The following MATR3 variants were observed in gnomAD, a reference collection of about 807,000 sequenced individuals.
The protein encoded by MATR3 is matrin 3, also known as matrin-3.
A neutral mutation model predicts 85.5 loss-of-function variants in MATR3; 4 were observed. The ratio of observed to expected loss-of-function variants is 0.05; its 90% CI spans 0.02 to 0.11. The LOEUF is 0.11. MATR3 is among the 10% of genes least tolerant of loss of function. The pLI is 1.00. For missense variants in MATR3, 685 were observed against 1,016.1 expected, an observed-to-expected ratio of 0.67 and a Z score of 4.43; for synonymous variants, 336 against 343.1, an observed-to-expected ratio of 0.98 and a Z score of 0.23.
intron 1 of MATR3, among the ~76,000 whole-genome samples, chr5:139,302,980 C>G (rs561150644): frequency 6.7e-6 from 1 of 149,312 alleles, no homozygotes; most frequent in South Asian, 2.1e-4. Flanking sequence ...CCCTGAGTAT[C>G]TCTAGTTTTA....
Position 139,319,349 on chromosome 5 carries a change from C to G in MATR3, c.1450C>G (p.Pro484Ala). 6.2e-7 allele frequency: 1 copy of G among 1,614,032 alleles called. No homozygotes were observed. ...TTTATTAAAGAAACCTGAAGGAAAG[C>G]CAGATCAGAAGTTTGATCAAAAGCA... ...YKRIKKPEGK[P>A]DQKFDQKQEL... Residue 484 changes from proline (P) to alanine (A), a missense_variant, in exon 9 of 15, where the codon CCA (proline) becomes GCA (alanine). Coordinates refer to ENST00000394805, the MANE Select transcript of MATR3 (RefSeq NM_018834.6).
At chr5:139,293,264 A>G (rs1753943963), upstream of MATR3, 1 of 152,132 alleles carries the variant, frequency 6.6e-6, no homozygotes. Flanking sequence ...TGATAAATAA[A>G]TAAACATACC....
At chr5:139,321,659 C>T (rs758183947) in intron 9 of MATR3, 1 of 529,974 alleles carries the variant, frequency 1.9e-6, no homozygotes, top group Non-Finnish European at 3.4e-6. Context: ...TGGTGCATGC[C>T]TGTAGACCTA....
rs1289052784 is a variant in MATR3 at position 139,330,541 on chromosome 5, A to T, written c.*1146A>T. 6.6e-6 allele frequency: 3 copies of T among 454,000 alleles called. No individual in the cohort carries two copies. Among genetic ancestry groups the T allele is most frequent in the African/African-American group, 6.0e-5 (3 of 50,010 alleles). The allele number at this position is 454,000 out of a possible 1,614,324, so 28.1% of individuals were successfully genotyped here. Reference sequence around the variant, plus strand: ...AGAGTGAATTCTAAAGACTGCCGCTAAAGATCTGAGTTTTAAAAATGTTGT... The same window carrying T: ...AGAGTGAATTCTAAAGACTGCCGCTTAAGATCTGAGTTTTAAAAATGTTGT... On this transcript the variant is annotated 3_prime_UTR_variant, in exon 15 of 15. Coordinates refer to ENST00000394805, the MANE Select transcript of MATR3 (RefSeq NM_018834.6).
chr5:139,296,117 G>A, intron 1 of MATR3, among the ~76,000 whole-genome samples: 1 of 152,264 alleles, frequency 6.6e-6, no homozygotes, highest in African/African-American at 2.4e-5. Context: ...AAGACTGTGC[G>A]TACAGGAATT....
chr5:139,319,574 C>T (rs1425358085), intron 9 of MATR3, 73 bp downstream of exon 9: 5 of 1,365,366 alleles, frequency 3.7e-6, no homozygotes, highest in Admixed American at 1.9e-5. Context: ...TGGAGCTGGG[C>T]GTCATTCCTC....
At position 139,307,766 on chromosome 5, in the gene MATR3, G is replaced by A. The variant is rs746740087; in HGVS notation, c.351G>A (p.Leu117=). The change falls in exon 2 of 15, where the codon CTG becomes CTA. Residue 117 remains leucine, a synonymous_variant. Transcript: ENST00000394805. The surrounding 1 kb of genome is among the most constrained non-coding windows in gnomAD (Gnocchi z 4.4). The part of the protein sequence containing the change: ...QASNILASFG[L]SARDLDELSR... Reference sequence around the variant, plus strand: ...GTAACATTTTGGCCAGCTTTGGTCTGTCTGCTAGAGACTTAGATGAACTGA... The same window carrying A: ...GTAACATTTTGGCCAGCTTTGGTCTATCTGCTAGAGACTTAGATGAACTGA... 2 of 1,614,130 alleles carry A rather than the reference G, an allele frequency of 1.2e-6. No homozygotes were observed. The highest frequency in any genetic ancestry group is 1.7e-5 in the Admixed American group (1 of 60,020).
intron 12 of MATR3, chr5:139,325,199 A>C: frequency 6.8e-7 from 1 of 1,480,286 alleles, no homozygotes; most frequent in East Asian, 2.5e-5. Context: ...TCTCAAAAAA[A>C]AAAAGGCAAA....
At chr5:139,314,931 TA>T (rs1282708652) in intron 3 of MATR3, 195 bp downstream of exon 3, 1 of 536,402 alleles carries the variant, frequency 1.9e-6, no homozygotes, top group Non-Finnish European at 3.4e-6. Flanking sequence ...GCAGTAATAA[TA>T]TTTTGTTATT....
At chr5:139,305,924 T>C (rs568167544) in intron 1 of MATR3, among the ~76,000 whole-genome samples, 26 of 152,332 alleles carry the variant, frequency 1.7e-4, no homozygotes, top group Non-Finnish European at 2.9e-4. Context: ...CTTGCTTTAA[T>C]CTATCATTGG....
At chr5:139,283,564 CCTT>C (rs1348778861) in intron 3 of MATR3, 7 of 152,284 alleles carry the variant, frequency 4.6e-5, no homozygotes, top group African/African-American at 1.7e-4. Flanking sequence ...CACTTGACCT[CCTT>C]CTGATTTGTG....
intron 1 of MATR3, among the ~76,000 whole-genome samples, chr5:139,298,279 T>C (rs1754263667): frequency 6.6e-6 from 1 of 152,070 alleles, no homozygotes; most frequent in Non-Finnish European, 1.5e-5. Flanking sequence ...GTCAAAGAAA[T>C]ACAAACATTT....
At chr5:139,274,888 G>T (rs1029151045) in intron 1 of MATR3, among the ~76,000 whole-genome samples, 2 of 151,886 alleles carry the variant, frequency 1.3e-5, no homozygotes, top group Admixed American at 6.6e-5. Flanking sequence ...TAGCACCACT[G>T]CATTCCAACC....
rs187998450 is a variant in MATR3, at chr5:139,294,910, C to G, written c.-178+1105C>G. 1.4e-3 allele frequency: 209 copies of G among 152,228 alleles called. 1 individual carries two copies. The highest frequency in any genetic ancestry group is 4.5e-3 in the African/African-American group (187 of 41,532). 9.4% of individuals were successfully genotyped at this position (152,228 alleles called of 1,614,324 possible). On this transcript the variant is annotated intron_variant, in intron 1 of 14. Transcript: ENST00000394805. The stretch of plus-strand genomic sequence containing the variant: ...ATTGGATCAGTTACAGTTTTTTAGC[C>G]AGATATTTCTAGAACGGTTATGGTG...
chr5:139,300,133 G>C (rs1171791121), intron 1 of MATR3, among the ~76,000 whole-genome samples: 4 of 152,196 alleles, frequency 2.6e-5, no homozygotes, highest in Non-Finnish European at 4.4e-5. Flanking sequence ...GGGAGGCCAA[G>C]GTGGGTGAAT....
At chr5:139,311,750 C>CTTTTTTTTTTTTTTT (rs552172719) in intron 2 of MATR3, 14 of 65,236 alleles carry the variant, frequency 2.1e-4, no homozygotes, top group African/African-American at 3.3e-4. Context: ...TTAATTAATC[C>CTTTTTTTTTTTTTTT]TTTTTTTTTT....
At chr5:139,320,339 A>G (rs1755493494) in intron 9 of MATR3, among the ~76,000 whole-genome samples, 1 of 152,078 alleles carries the variant, frequency 6.6e-6, no homozygotes, top group South Asian at 2.1e-4. Flanking sequence ...GGCTGGATGC[A>G]TTGGCTCATG....
chr5:139,275,187 C>G (rs992627519), intron 1 of MATR3, among the ~76,000 whole-genome samples: 1 of 105,064 alleles, frequency 9.5e-6, no homozygotes, highest in Non-Finnish European at 1.8e-5. Flanking sequence ...TTAGTAGAGA[C>G]GGGGTTTCAC....
rs760526286 is a variant in MATR3, at chr5:139,307,455, T to G, written c.40T>G (p.Ser14Ala). The part of the protein sequence containing the change: ...SFQQSSLSRD[S>A]QGHGRDLSAA... ...CCAGCAGTCATCTCTCAGTAGGGAC[T>G]CACAGGGTCATGGGCGTGACCTGTC... is the stretch of plus-strand genomic sequence containing the variant. Residue 14 changes from serine (S) to alanine (A), a missense_variant, in exon 2 of 15, where the codon TCA becomes GCA. Coordinates refer to ENST00000394805, the MANE Select transcript of MATR3 (RefSeq NM_018834.6). The surrounding 1 kb of genome is among the most constrained non-coding windows in gnomAD (Gnocchi z 4.4). 6.2e-7 allele frequency: 1 copy of G among 1,614,126 alleles called. No homozygotes were observed. The highest frequency in any genetic ancestry group is 8.5e-7 in the Non-Finnish European group (1 of 1,180,004).
Sources: gnomAD v4.1 joint callset for allele counts (sites outside exome capture counted in the v4.1 genomes callset) on GRCh38, gnomAD v4.1.1 for gene constraint, Gnocchi (gnomAD v3.1) non-coding constraint, MANE v1.5 for transcripts, NCBI Gene and HGNC (gene_info 2026-07-23, HGNC 2026-07-21) for gene names.